ZNF469: variants seen among roughly 807,000 people sequenced by gnomAD.
ZNF469 encodes the protein zinc finger protein 469.
ZNF469 carries 1 observed loss-of-function variant against 1.0 expected under a neutral mutation model. The observed-to-expected ratio is 1.00, with a 90% confidence interval of 0.35 to 4.73. ZNF469 has a LOEUF of 4.73. Among genes scored for constraint, ZNF469 ranks in the 30% most tolerant of loss-of-function variants. ZNF469 has a pLI of 0.16. For synonymous variants in ZNF469, 2,703 were observed against 2,363.4 expected, an observed-to-expected ratio of 1.14 and a Z score of -4.17; for missense variants, 6,100 against 5,356.3, an observed-to-expected ratio of 1.14 and a Z score of -4.33.
At chr16:88,418,441 G>A (rs988205568) in intron 1 of ZNF469, among the ~76,000 whole-genome samples, 5 of 152,166 alleles carry the variant, frequency 3.3e-5, no homozygotes, top group African/African-American at 9.7e-5. Flanking sequence ...GCACAGAGGG[G>A]CAGAGGAGAG....
In ZNF469 at chr16:88,438,164, G is replaced by A; in HGVS notation, c.10694G>A (p.Gly3565Asp). The change falls in exon 3 of 3, where the codon GGC (glycine) becomes GAC (aspartate). Residue 3565 changes from glycine (G) to aspartate (D), a missense_variant. Transcript: ENST00000565624. ...LSPFPAALAD[G>D]RGDCALDGAL... is the part of the protein sequence containing the mutation. Reference sequence around the variant, plus strand: ...CCCTTCCCAGCTGCCTTGGCTGATGGCAGAGGAGACTGCGCGCTGGACGGA... The same window carrying A: ...CCCTTCCCAGCTGCCTTGGCTGATGACAGAGGAGACTGCGCGCTGGACGGA... The A allele has an allele frequency of 6.5e-7, 1 of 1,550,102 alleles. No individual in the cohort carries two copies. The highest frequency in any genetic ancestry group is 8.7e-7 in the Non-Finnish European group (1 of 1,146,844).
At chr16:88,351,095 T>C in the ZNF469 span, among the ~76,000 whole-genome samples, 1 of 152,240 alleles carries the variant, frequency 6.6e-6, no homozygotes, top group African/African-American at 2.4e-5. Flanking sequence ...GCCTGTTTCC[T>C]GGTCTTCAGC....
the ZNF469 span, among the ~76,000 whole-genome samples, chr16:88,276,937 G>A: frequency 6.7e-6 from 1 of 150,294 alleles, no homozygotes; most frequent in Non-Finnish European, 1.5e-5. Flanking sequence ...TCAGTACCAT[G>A]TAGATATCAG....
the ZNF469 span, among the ~76,000 whole-genome samples, chr16:88,233,283 T>G: frequency 7.2e-5 from 11 of 152,332 alleles, no homozygotes; most frequent in East Asian, 5.8e-4. Context: ...GCTTCTGTTT[T>G]CATTGTGGGG....
At chr16:88,383,533 G>C (rs1460158463) in intron 1 of ZNF469, among the ~76,000 whole-genome samples, 1 of 149,928 alleles carries the variant, frequency 6.7e-6, no homozygotes, top group East Asian at 1.9e-4. Context: ...TGGCAGCGCG[G>C]GGTCCGGCTC....
the ZNF469 span, among the ~76,000 whole-genome samples, chr16:88,347,213 A>G: frequency 6.6e-6 from 1 of 151,896 alleles, no homozygotes; most frequent in African/African-American, 2.4e-5. Context: ...AGGCCCCTGA[A>G]CCTTTGGACG....
the ZNF469 span, among the ~76,000 whole-genome samples, chr16:88,135,035 C>T: frequency 6.6e-6 from 1 of 152,244 alleles, no homozygotes; most frequent in African/African-American, 2.4e-5. Flanking sequence ...TCAGTCCACC[C>T]CCATGTGCCT....
the ZNF469 span, among the ~76,000 whole-genome samples, chr16:88,169,925 G>A: frequency 1.3e-5 from 2 of 152,306 alleles, no homozygotes; most frequent in East Asian, 1.9e-4. The surrounding 1 kb of genome is among the most constrained non-coding windows in gnomAD (Gnocchi z 6.1). Context: ...CTGGGGTTTC[G>A]AGATGCATTT....
chr16:88,360,879 G>T, the ZNF469 span, among the ~76,000 whole-genome samples: 3 of 152,110 alleles, frequency 2.0e-5, no homozygotes, highest in African/African-American at 7.2e-5. Flanking sequence ...TTAGCCTCAG[G>T]GACCGGTTTC....
chr16:88,258,211 GGT>G, the ZNF469 span, among the ~76,000 whole-genome samples: 48,097 of 151,130 alleles, frequency 0.32, 8,069 homozygotes, highest in Middle Eastern at 0.46. Context: ...ACAGAGAAAG[GGT>G]GTGTGTGTGT....
At chr16:88,229,922 C>G in the ZNF469 span, among the ~76,000 whole-genome samples, 11 of 152,140 alleles carry the variant, frequency 7.2e-5, no homozygotes, top group Non-Finnish European at 1.5e-4. Context: ...GTGGCTCTCC[C>G]GGGGGCGCGC....
At chr16:88,403,175 G>A (rs4278738) in intron 1 of ZNF469, among the ~76,000 whole-genome samples, 45,852 of 152,134 alleles carry the variant, frequency 0.3, 8,116 homozygotes, top group South Asian at 0.52. Flanking sequence ...TGGCCGTGCT[G>A]GATGCTTCTG....
At chr16:88,242,491 G>A in the ZNF469 span, among the ~76,000 whole-genome samples, 1 of 152,150 alleles carries the variant, frequency 6.6e-6, no homozygotes, top group Admixed American at 6.5e-5. Context: ...ACACCAGGCA[G>A]ATTGGACTGG....
the ZNF469 span, among the ~76,000 whole-genome samples, chr16:88,352,540 G>A: frequency 1.3e-5 from 2 of 152,356 alleles, no homozygotes; most frequent in South Asian, 4.1e-4. Flanking sequence ...TGCCAGGCAG[G>A]TTCCTGAAGC....
the ZNF469 span, among the ~76,000 whole-genome samples, chr16:88,305,519 T>C: frequency 2.9e-4 from 25 of 85,836 alleles, no homozygotes; most frequent in Non-Finnish European, 5.6e-4. Flanking sequence ...CTCACACACA[T>C]GCACACACAC....
At position 88,423,515 on chromosome 16, in the gene ZNF469, T is replaced by G. The variant is rs115729057; in HGVS notation, c.-191-1292T>G. On this transcript the variant is annotated intron_variant, in intron 1 of 2. Coordinates refer to ENST00000565624, the MANE Select transcript of ZNF469 (RefSeq NM_001367624.2). Reference sequence around the variant, plus strand: ...GGCATGAGTTACGGTTGTCTATTGCTGTATCATAAAGAACAGACTGAAACA... The same window carrying G: ...GGCATGAGTTACGGTTGTCTATTGCGGTATCATAAAGAACAGACTGAAACA... 3.0e-3 allele frequency among the ~76,000 whole-genome samples: 451 copies of G among 152,316 alleles called. 3 individuals carry two copies. The highest frequency in any genetic ancestry group is 0.01 in the African/African-American group (434 of 41,560).
Position 88,433,070 on chromosome 16 carries a change from C to G in ZNF469, c.5600C>G (p.Ala1867Gly), listed in dbSNP as rs1380469684. The change falls in exon 3 of 3, where the codon GCC becomes GGC. Residue 1867 changes from alanine (A) to glycine (G), a missense_variant. Ala to Gly is a moderately conservative substitution (Grantham distance 60, BLOSUM62 0). Transcript: ENST00000565624. The part of the protein sequence containing the change: ...FAPAGASSLT[A>G]PRGREAWLVP... ...CCGGCGGGGGCCTCCTCACTGACTG[C>G]CCCCCGGGGCAGGGAGGCTTGGTTG... The G allele has an allele frequency of 1.9e-6, 3 of 1,550,294 alleles. No homozygotes were observed. Among genetic ancestry groups the G allele is most frequent in the Non-Finnish European group, 2.6e-6 (3 of 1,146,946 alleles).
the ZNF469 span, among the ~76,000 whole-genome samples, chr16:88,303,396 C>T: frequency 2.6e-5 from 4 of 152,228 alleles, no homozygotes; most frequent in African/African-American, 9.6e-5. Flanking sequence ...TTCCAGTGGG[C>T]CTTTCCAGCC....
the ZNF469 span, among the ~76,000 whole-genome samples, chr16:88,123,944 C>T: frequency 6.6e-6 from 1 of 152,204 alleles, no homozygotes; most frequent in Admixed American, 6.5e-5. Flanking sequence ...GCTGGGATTA[C>T]AGGCATGTGC....
Sources: allele counts gnomAD v4.1 joint callset (sites outside exome capture counted in the v4.1 genomes callset), GRCh38; gene constraint gnomAD v4.1.1; non-coding constraint Gnocchi (gnomAD v3.1); transcripts MANE v1.5; gene names NCBI Gene and HGNC (gene_info 2026-07-23, HGNC 2026-07-21).